The following YEATS2 variants were observed in gnomAD, a reference collection of about 807,000 sequenced individuals.
YEATS2 encodes YEATS domain containing 2, also known as YEATS domain-containing protein 2.
Under a neutral mutation model 163.2 loss-of-function variants are expected in YEATS2, and 77 were observed. That is an observed-to-expected ratio of 0.47 (90% CI 0.39 to 0.57). The LOEUF (loss-of-function observed/expected upper bound fraction) is 0.57. Ranked by LOEUF, YEATS2 falls within the 20% of genes least tolerant of loss-of-function variation. The pLI, the probability that YEATS2 is intolerant of heterozygous loss-of-function variation, is 0.00. For synonymous variants in YEATS2, 631 were observed against 645.1 expected (o/e 0.98, Z 0.33); for missense variants, 1,549 against 1,729.8 (o/e 0.90, Z 1.85).
chr3:183,734,382 CA>C (rs1718122000), intron 7 of YEATS2, among the ~76,000 whole-genome samples: 1 of 152,154 alleles, frequency 6.6e-6, no homozygotes, highest in Non-Finnish European at 1.5e-5. Flanking sequence ...TGTTCAGCCT[CA>C]CTGTGTCTCA....
chr3:183,761,625 A>T lies in YEATS2; in HGVS notation c.1764+11A>T. The stretch of plus-strand genomic sequence containing the variant: ...GGAGCTTTCACAAAAGTGAGTATGT[A>T]TTAGGGCATTGTCCCACAAGTCATA... On this transcript the variant is annotated intron_variant, in intron 14 of 30. Transcript: ENST00000305135. The T allele has an allele frequency of 6.2e-7, 1 of 1,608,748 alleles. No homozygotes were observed. Among genetic ancestry groups the T allele is most frequent in the Non-Finnish European group, 8.5e-7 (1 of 1,175,102 alleles).
At chr3:183,704,899 G>T (rs1714470083) in intron 1 of YEATS2, among the ~76,000 whole-genome samples, 1 of 152,124 alleles carries the variant, frequency 6.6e-6, no homozygotes, top group Non-Finnish European at 1.5e-5. Flanking sequence ...AAAATGCTGG[G>T]ATTACAGGCA....
intron 1 of YEATS2, among the ~76,000 whole-genome samples, chr3:183,712,229 G>GTTATGTTATGTTAC (rs1715347256): frequency 1.6e-5 from 1 of 63,800 alleles, no homozygotes; most frequent in African/African-American, 7.1e-5. Flanking sequence ...TTTATTTTTT[G>GTTATGTTATGTTAC]AGACAGAGTC....
chr3:183,798,976 A>C lies in YEATS2; in HGVS notation c.3312A>C (p.Ala1104=). The change falls in exon 23 of 31, where the codon GCA becomes GCC. Residue 1104 remains alanine, a synonymous_variant. Coordinates refer to ENST00000305135, the MANE Select transcript of YEATS2 (RefSeq NM_018023.5). ...CAGTTGTCCCCAGCTCTGCTCCAGC[A>C]GCTGTTGCAAAAGGTACGTAGGATC... ...PTPVVPSSAP[A]AVAKVKTEPE... is the part of the protein sequence containing the mutation. The C allele has an allele frequency of 6.2e-7, 1 of 1,613,900 alleles. No homozygotes were observed. Among genetic ancestry groups the C allele is most frequent in the Non-Finnish European group, 8.5e-7 (1 of 1,179,774 alleles).
At chr3:183,731,582 A>G (rs570048755) in intron 7 of YEATS2, among the ~76,000 whole-genome samples, 2 of 152,320 alleles carry the variant, frequency 1.3e-5, no homozygotes, top group African/African-American at 4.8e-5. Flanking sequence ...TTATTTGCTA[A>G]GAAGTCTTTA....
chr3:183,774,021 A>G (rs933746786), intron 17 of YEATS2, among the ~76,000 whole-genome samples: 22 of 152,190 alleles, frequency 1.4e-4, no homozygotes, highest in Non-Finnish European at 2.9e-5. Context: ...CTGGAGAGAG[A>G]TGGCTGGTGA....
Position 183,785,997 on chromosome 3 carries a change from A to G in YEATS2, c.2737-128A>G, listed in dbSNP as rs1724028560. Reference sequence around the variant, plus strand: ...AGAAAGGTGTGTAAACACCTCATGTAGGTTGGATTGGTAAGACTTTCTTGG... The same window carrying G: ...AGAAAGGTGTGTAAACACCTCATGTGGGTTGGATTGGTAAGACTTTCTTGG... On this transcript the variant is annotated intron_variant, in intron 19 of 30. Transcript: ENST00000305135. 4 of 1,046,426 alleles carry G rather than the reference A, an allele frequency of 3.8e-6. No homozygotes were observed. In the South Asian group the frequency reaches 5.0e-5, roughly 13 times the overall value. 64.8% of individuals were successfully genotyped at this position (1,046,426 alleles called of 1,614,324 possible).
chr3:183,783,384 G>A (rs1369113641), intron 19 of YEATS2, among the ~76,000 whole-genome samples: 2 of 152,296 alleles, frequency 1.3e-5, no homozygotes, highest in African/African-American at 2.4e-5. Flanking sequence ...TCCTGTTTGC[G>A]TTGTTGCTGC....
intron 15 of YEATS2, among the ~76,000 whole-genome samples, chr3:183,762,636 AGTTTATACCTCTGAT>A (rs1721488976): frequency 6.6e-6 from 1 of 151,502 alleles, no homozygotes; most frequent in African/African-American, 2.4e-5. Flanking sequence ...AGAATGCTGT[AGTTTATACCTCTGAT>A]GTTCGGGCTG....
chr3:183,738,434 A>G (rs830172), intron 8 of YEATS2, among the ~76,000 whole-genome samples: 55,613 of 128,128 alleles, frequency 0.43, 12,223 homozygotes, highest in East Asian at 0.64. Flanking sequence ...TAAGTTTTAG[A>G]GTACATGTGC....
intron 2 of YEATS2, among the ~76,000 whole-genome samples, chr3:183,716,072 G>T (rs1162217537): frequency 6.6e-6 from 1 of 152,052 alleles, no homozygotes; most frequent in African/African-American, 2.4e-5. Flanking sequence ...CCATTCTCCT[G>T]CGTCAGCCTC....
chr3:183,779,947 C>T (rs963236381), intron 19 of YEATS2, among the ~76,000 whole-genome samples: 6 of 151,096 alleles, frequency 4.0e-5, no homozygotes, highest in Admixed American at 6.6e-5. Context: ...CTGCCCGCCT[C>T]GGCCTCCCAA....
chr3:183,783,994 C>T (rs1723821243), intron 19 of YEATS2, among the ~76,000 whole-genome samples: 1 of 152,112 alleles, frequency 6.6e-6, no homozygotes, highest in South Asian at 2.1e-4. Context: ...CACCCTCGAC[C>T]TCCTGGGCTC....
intron 15 of YEATS2, among the ~76,000 whole-genome samples, chr3:183,763,672 A>G (rs1721606173): frequency 1.3e-5 from 2 of 152,224 alleles, no homozygotes; most frequent in Non-Finnish European, 2.9e-5. Context: ...TCCCCATTTC[A>G]GAACTAATGA....
intron 15 of YEATS2, among the ~76,000 whole-genome samples, chr3:183,771,942 G>A (rs1439226184): frequency 2.0e-5 from 3 of 151,902 alleles, no homozygotes; most frequent in East Asian, 1.9e-4. Context: ...GGCCAGGCTG[G>A]TCTCGAACTC....
At chr3:183,703,310 A>G (rs1714303693) in intron 1 of YEATS2, among the ~76,000 whole-genome samples, 1 of 152,200 alleles carries the variant, frequency 6.6e-6, no homozygotes, top group African/African-American at 2.4e-5. Flanking sequence ...GCAAATGGGA[A>G]CATATTCAAA....
intron 25 of YEATS2, chr3:183,802,267 G>A (rs1401836139): frequency 6.6e-6 from 1 of 152,648 alleles, no homozygotes; most frequent in Non-Finnish European, 1.5e-5. Flanking sequence ...TCAGAGGGGA[G>A]CCACAAGGCA....
At chr3:183,798,159 CG>C in intron 22 of YEATS2, 108 bp downstream of exon 22, 1 of 1,496,872 alleles carries the variant, frequency 6.7e-7, no homozygotes, top group Non-Finnish European at 9.1e-7. Context: ...TCAGCTGTCA[CG>C]GTATTCCCAG....
intron 9 of YEATS2, among the ~76,000 whole-genome samples, chr3:183,749,297 C>G (rs527635492): frequency 2.0e-5 from 3 of 152,104 alleles, no homozygotes; most frequent in African/African-American, 7.2e-5. Flanking sequence ...CAAAATTTAC[C>G]GTCTTACCCA....
Sources: allele counts gnomAD v4.1 joint callset (sites outside exome capture counted in the v4.1 genomes callset), GRCh38; gene constraint gnomAD v4.1.1; transcripts MANE v1.5; gene names NCBI Gene and HGNC (gene_info 2026-07-23, HGNC 2026-07-21).